CCDC59: variants seen among roughly 807,000 people sequenced by gnomAD.
The protein encoded by CCDC59 is thyroid transcription factor 1-associated protein 26.
Under a neutral mutation model 30.5 loss-of-function variants are expected in CCDC59, and 27 were observed. That is an observed-to-expected ratio of 0.89 (90% CI 0.65 to 1.22). The LOEUF (loss-of-function observed/expected upper bound fraction) is 1.22. CCDC59 is among the 50% of genes most tolerant of loss of function. The pLI is 0.00. For synonymous variants in CCDC59, 125 were observed against 100.9 expected (o/e 1.24, Z -1.43); for missense variants, 362 against 284.4 (o/e 1.27, Z -1.96).
chr12:82,358,154 C>A, intron 1 of CCDC59, 69 bp downstream of exon 1: 1 of 1,576,894 alleles, frequency 6.3e-7, no homozygotes, highest in Non-Finnish European at 8.7e-7. Context: ...TTCTTCCAAG[C>A]TTCAGCGAAT....
intron 2 of CCDC59, 37 bp downstream of exon 2, chr12:82,356,920 AAAC>A (rs1264681630): frequency 6.8e-7 from 1 of 1,473,240 alleles, no homozygotes; most frequent in African/African-American, 1.4e-5. Context: ...TTAAATAATA[AAAC>A]AACACTTAAA....
Position 82,353,068 on chromosome 12 carries a change from C to A in CCDC59, c.*83G>T. 5 of 1,095,934 alleles carry A rather than the reference C, an allele frequency of 4.6e-6. No homozygotes were observed. Among genetic ancestry groups the A allele is most frequent in the Middle Eastern group, 3.3e-4 (1 of 3,074 alleles). The allele number at this position is 1,095,934 out of a possible 1,614,324, so 67.9% of individuals were successfully genotyped here. On this transcript the variant is annotated 3_prime_UTR_variant, in exon 4 of 4. Transcript: ENST00000256151. ...AGTTTAGCAATCCAGTTTATGTCGACAAATTTAGTTCACTGCTGGGAGGCA... is the reference window on the plus strand; with the variant it reads ...AGTTTAGCAATCCAGTTTATGTCGAAAAATTTAGTTCACTGCTGGGAGGCA...
upstream of CCDC59, chr12:82,358,590 G>T (rs994506032): frequency 3.1e-6 from 5 of 1,612,406 alleles, no homozygotes; most frequent in Non-Finnish European, 4.2e-6. Flanking sequence ...CCCTCTCCCG[G>T]TGACCCCGGA....
Position 82,357,422 on chromosome 12 carries a change from T to C in CCDC59, c.155-153A>G, listed in dbSNP as rs951669934. Reference sequence around the variant, plus strand: ...TTAAAAAATTATTTCAAGCAACAAATTTAAGCTGATGGATTGCATAGTAAG... The same window carrying C: ...TTAAAAAATTATTTCAAGCAACAAACTTAAGCTGATGGATTGCATAGTAAG... On this transcript the variant is annotated intron_variant, in intron 1 of 3. Transcript: ENST00000256151. The C allele has an allele frequency of 7.7e-6, 5 of 646,470 alleles. No homozygotes were observed. In the African/African-American group the frequency reaches 9.1e-5, roughly 12 times the overall value. 40.0% of individuals were successfully genotyped at this position (646,470 alleles called of 1,614,324 possible). A position where few individuals can be genotyped will look rare whatever the true frequency, so the allele number is the denominator to read the frequency against.
At position 82,352,826 on chromosome 12, in the gene CCDC59, T is replaced by C. The variant is rs181000629; in HGVS notation, c.*325A>G. 2.5e-4 allele frequency: 42 copies of C among 170,992 alleles called. No homozygotes were observed. The East Asian group carries it at 6.6e-3, about 27-fold the overall frequency. The allele number at this position is 170,992 out of a possible 1,614,324, so 10.6% of individuals were successfully genotyped here. ...TGAAATATTTCATTGAAATGCTTCA[T>C]TGATAGCTCTGATTCCTTATTTTTA... is the stretch of plus-strand genomic sequence containing the variant. On this transcript the variant is annotated 3_prime_UTR_variant, in exon 4 of 4. Transcript: ENST00000256151.
rs1881059323 is a variant in CCDC59, at chr12:82,356,969, T to G, written c.455A>C (p.Lys152Thr). The G allele has an allele frequency of 6.2e-7, 1 of 1,610,298 alleles. No individual in the cohort carries two copies. The highest frequency in any genetic ancestry group is 1.7e-4 in the Middle Eastern group (1 of 6,054). The change falls in exon 2 of 4, where the codon AAA becomes ACA. Residue 152 changes from lysine (K) to threonine (T), a missense_variant. By Grantham distance (78) the Lys-to-Thr change is moderately conservative (BLOSUM62 -1). Transcript: ENST00000256151. ...TGAAGAAAATACATACTTTACTGTT[T>G]TAATACATTGTTCTTCTGGCTGAGG... Reference protein sequence around the residue: ...DQPQPEEQCIKTVNSFTIPKK... With the variant: ...DQPQPEEQCITTVNSFTIPKK...
At chr12:82,354,358 T>A in intron 3 of CCDC59, 137 bp downstream of exon 3, 1 of 574,956 alleles carries the variant, frequency 1.7e-6, no homozygotes, top group Non-Finnish European at 2.8e-6. Context: ...CTACCTTTGC[T>A]CAGACTACTC....
chr12:82,358,746 G>T (rs143218307), upstream of CCDC59: 26 of 1,614,006 alleles, frequency 1.6e-5, no homozygotes, highest in African/African-American at 2.8e-4. Flanking sequence ...AGTGCTGGCT[G>T]CGCTGAGGAA....
At chr12:82,355,396 GTTTGC>G (rs1880977276) in intron 2 of CCDC59, 3 of 152,220 alleles carry the variant, frequency 2.0e-5, no homozygotes, top group African/African-American at 7.2e-5. Flanking sequence ...CACACTGAGT[GTTTGC>G]TTTAAGTGAA....
In CCDC59 at chr12:82,356,993, G is replaced by A. The variant is rs756159926; in HGVS notation, c.431C>T (p.Pro144Leu). 6 of 1,613,438 alleles carry A rather than the reference G, an allele frequency of 3.7e-6. No individual in the cohort carries two copies. In the South Asian group the frequency reaches 4.4e-5, roughly 12 times the overall value. ...TTTAATACATTGTTCTTCTGGCTGA[G>A]GCTGGTCAAAGCTACACTGATCTTC... ...LFEDQCSFDQ[P>L]QPEEQCIKTV... The change falls in exon 2 of 4, where the codon CCT becomes CTT. Residue 144 changes from proline (P) to leucine (L), a missense_variant. Physicochemically the swap from Pro to Leu is moderately conservative, Grantham distance 98 (BLOSUM62 -3). Coordinates refer to ENST00000256151, the MANE Select transcript of CCDC59 (RefSeq NM_014167.5).
intron 3 of CCDC59, among the ~76,000 whole-genome samples, chr12:82,353,573 T>C (rs1403026246): frequency 6.6e-6 from 1 of 152,154 alleles, no homozygotes; most frequent in Non-Finnish European, 1.5e-5. Flanking sequence ...TTAAATGTTT[T>C]ACAGCATAAT....
Position 82,354,612 on chromosome 12 carries a change from AG to A in CCDC59, c.465-19del. The A allele has an allele frequency of 6.4e-7, 1 of 1,555,324 alleles. No homozygotes were observed. Among genetic ancestry groups the A allele is most frequent in the Middle Eastern group, 1.7e-4 (1 of 5,926 alleles). Reference sequence around the variant, plus strand: ...TAAAGGAGCTTTTAATTGGGGGATGAGGAAACAGGACTTTATTAGTAAAATG... The same window carrying A: ...TAAAGGAGCTTTTAATTGGGGGATGAGAAACAGGACTTTATTAGTAAAATG... On this transcript the variant is annotated intron_variant, in intron 2 of 3. Transcript: ENST00000256151.
chr12:82,358,775 G>A (rs1565789011), upstream of CCDC59: 15 of 1,613,926 alleles, frequency 9.3e-6, no homozygotes, highest in Non-Finnish European at 1.2e-5. Flanking sequence ...CGGAGACGGA[G>A]GCCCTGCCCT....
Position 82,358,342 on chromosome 12 carries a change from G to T in CCDC59, c.35C>A (p.Pro12His). ...APVRRSAKWR[P>H]GGIEARGEGV... Reference sequence around the variant, plus strand: ...TTCACCACGCGCCTCAATACCACCAGGCCGCCACTTCGCGGACCGCCTCAC... The same window carrying T: ...TTCACCACGCGCCTCAATACCACCATGCCGCCACTTCGCGGACCGCCTCAC... Residue 12 changes from proline (P) to histidine (H), a missense_variant, in exon 1 of 4, where the codon CCT becomes CAT. Physicochemically the swap from Pro to His is moderately conservative, Grantham distance 77. Transcript: ENST00000256151. 6.2e-7 allele frequency: 1 copy of T among 1,613,942 alleles called. No homozygotes were observed. The highest frequency in any genetic ancestry group is 8.5e-7 in the Non-Finnish European group (1 of 1,180,018).
chr12:82,358,155 T>G, intron 1 of CCDC59, 68 bp downstream of exon 1: 1 of 1,583,600 alleles, frequency 6.3e-7, no homozygotes, highest in Non-Finnish European at 8.6e-7. Flanking sequence ...TCTTCCAAGC[T>G]TCAGCGAATC....
chr12:82,355,719 A>G lies in CCDC59; in HGVS notation c.465-1125T>C, dbSNP rs994033469. Reference sequence around the variant, plus strand: ...GGGTCTTGGAACATCTTCCAAACAGATAACGGGGGACCACAATATTTGATA... The same window carrying G: ...GGGTCTTGGAACATCTTCCAAACAGGTAACGGGGGACCACAATATTTGATA... On this transcript the variant is annotated intron_variant, in intron 2 of 3. Transcript: ENST00000256151. 4 of 152,210 alleles carry G rather than the reference A, an allele frequency of 2.6e-5. 1 individual carries two copies. In the South Asian group the frequency reaches 8.3e-4, roughly 32 times the overall value. The allele number at this position is 152,210 out of a possible 1,614,324, so 9.4% of individuals were successfully genotyped here. A position where few individuals can be genotyped will look rare whatever the true frequency, so the allele number is the denominator to read the frequency against.
chr12:82,358,746 G>A (rs143218307), upstream of CCDC59: 23 of 1,614,006 alleles, frequency 1.4e-5, no homozygotes, highest in Non-Finnish European at 1.9e-5. Flanking sequence ...AGTGCTGGCT[G>A]CGCTGAGGAA....
At position 82,358,351 on chromosome 12, in the gene CCDC59, TTCGCG is replaced by T; in HGVS notation, c.21_25del (p.Ala8ValfsTer7). 1 of 1,613,838 alleles carries T rather than the reference TTCGCG, an allele frequency of 6.2e-7. No individual in the cohort carries two copies. The highest frequency in any genetic ancestry group is 8.5e-7 in the Non-Finnish European group (1 of 1,180,014). ...CGCCTCAATACCACCAGGCCGCCAC[TTCGCG>T]GACCGCCTCACCGGCGCCATTGCAG... On this transcript the variant is annotated frameshift_variant, in exon 1 of 4. Coordinates refer to ENST00000256151, the MANE Select transcript of CCDC59 (RefSeq NM_014167.5). LOFTEE classifies it high-confidence loss of function.
chr12:82,352,427 T>C lies in CCDC59; in HGVS notation c.*724A>G, dbSNP rs2136744741. ...TCATTCTTCTGCAATTTGCAAAGCA[T>C]GAGAAGCAGTTATCCCAGTGGCTTA... On this transcript the variant is annotated 3_prime_UTR_variant, in exon 4 of 4. Transcript: ENST00000256151. 1 of 152,358 alleles carries C rather than the reference T, an allele frequency of 6.6e-6. No individual in the cohort carries two copies. The highest frequency in any genetic ancestry group is 1.9e-4 in the East Asian group (1 of 5,188). 9.4% of individuals were successfully genotyped at this position (152,358 alleles called of 1,614,324 possible).
Sources: allele counts gnomAD v4.1 joint callset (sites outside exome capture counted in the v4.1 genomes callset), GRCh38; gene constraint gnomAD v4.1.1; transcripts MANE v1.5; gene names NCBI Gene and HGNC (gene_info 2026-07-23, HGNC 2026-07-21).